BEX3: variants seen among roughly 807,000 people sequenced by gnomAD.
The protein encoded by BEX3 is protein BEX3.
A neutral mutation model predicts 6.1 loss-of-function variants in BEX3; 1 was observed. That is an observed-to-expected ratio of 0.16 (90% CI 0.06 to 0.78). The LOEUF (loss-of-function observed/expected upper bound fraction) is 0.78, where lower values mean the gene tolerates loss of function less well. BEX3 is among the 30% of genes least tolerant of loss of function. BEX3 has a pLI of 0.75. For missense variants in BEX3, 49 were observed against 84.7 expected, an observed-to-expected ratio of 0.58 and a Z score of 1.65; for synonymous variants, 33 against 25.2, an observed-to-expected ratio of 1.31 and a Z score of -0.93.
Position 103,377,591 on chromosome X carries a change from G to C in BEX3, c.70G>C (p.Gly24Arg), listed in dbSNP as rs780720432. The C allele has an allele frequency of 8.3e-7, 1 of 1,211,837 alleles. No homozygotes were observed. Among genetic ancestry groups the C allele is most frequent in the East Asian group, 3.0e-5 (1 of 33,843 alleles). ...AGGAGGTGAAGGCCACCAGCCTGCA[G>C]GAAATCGACGGGGACAGGCTCGCCG... The part of the protein sequence containing the change: ...LGGGEGHQPA[G>R]NRRGQARRLA... Residue 24 changes from glycine (G) to arginine (R), a missense_variant, in exon 3 of 3, where the codon GGA (glycine) becomes CGA (arginine). Physicochemically the swap from Gly to Arg is moderately radical, Grantham distance 125 (BLOSUM62 -2). Coordinates refer to ENST00000361298, the MANE Select transcript of BEX3 (RefSeq NM_206917.3).
Position 103,377,952 on chromosome X carries a change from G to A in BEX3, c.*125G>A. The A allele has an allele frequency of 1.9e-6, 1 of 525,478 alleles. No individual in the cohort carries two copies. The highest frequency in any genetic ancestry group is 3.1e-6 in the Non-Finnish European group (1 of 326,539). The allele number at this position is 525,478 out of a possible 1,213,427, so 43.3% of individuals were successfully genotyped here. A position where few individuals can be genotyped will look rare whatever the true frequency, so the allele number is the denominator to read the frequency against. Reference sequence around the variant, plus strand: ...CTATGTTATTTCCATGTGTCAAGTGGGTCTTGTGTTGCCAGCTTCTATTTG... The same window carrying A: ...CTATGTTATTTCCATGTGTCAAGTGAGTCTTGTGTTGCCAGCTTCTATTTG... On this transcript the variant is annotated 3_prime_UTR_variant, in exon 3 of 3. Coordinates refer to ENST00000361298, the MANE Select transcript of BEX3 (RefSeq NM_206917.3).
chrX:103,377,474 G>GA (rs199898496), intron 2 of BEX3, 36 bp from the exon 3 acceptor site: 595 of 1,090,271 alleles, frequency 5.5e-4, no homozygotes, highest in Admixed American at 1.5e-3. Context: ...AAAACAACCA[G>GA]AAAAAAAAAA....
chrX:103,377,284 A>G (rs1455673371), intron 2 of BEX3, among the ~76,000 whole-genome samples, 178 bp downstream of exon 2: 1 of 109,877 alleles, frequency 9.1e-6, no homozygotes, highest in East Asian at 2.9e-4. Context: ...GAAGGGAGGT[A>G]AGGGGAGAAA....
upstream of BEX3, chrX:103,376,472 G>C (rs188284833): frequency 3.0e-3 from 2,244 of 750,213 alleles, 50 homozygotes; most frequent in African/African-American, 0.049. Context: ...GGGCGAGCTC[G>C]GTGGTGACGC....
Position 103,378,114 on chromosome X carries a change from A to G in BEX3, c.*287A>G, listed in dbSNP as rs1270146788. On this transcript the variant is annotated 3_prime_UTR_variant, in exon 3 of 3. Transcript: ENST00000361298. ...TCTCATTAAAAATGTATACTTACAT[A>G]TAACAGATGAACTAAAAAAAAATCT... 3.8e-6 allele frequency: 1 copy of G among 265,132 alleles called. No individual in the cohort carries two copies. Among genetic ancestry groups the G allele is most frequent in the African/African-American group, 2.8e-5 (1 of 35,627 alleles). 21.8% of individuals were successfully genotyped at this position (265,132 alleles called of 1,213,427 possible). A position where few individuals can be genotyped will look rare whatever the true frequency, so the allele number is the denominator to read the frequency against.
rs962218092 is a variant in BEX3, at chrX:103,377,074, CGGA to C, written c.-40_-38del. 33 of 312,067 alleles carry C rather than the reference CGGA, an allele frequency of 1.1e-4. 1 individual carries two copies. Among genetic ancestry groups the C allele is most frequent in the African/African-American group, 4.4e-4 (15 of 33,908 alleles). 25.7% of individuals were successfully genotyped at this position (312,067 alleles called of 1,213,427 possible). A position where few individuals can be genotyped will look rare whatever the true frequency, so the allele number is the denominator to read the frequency against. ...CGCGGCGCACCTCGCGGCGAGAATC[CGGA>C]GGAGAAGGAGACTGCAAGGATAGGC... On this transcript the variant is annotated 5_prime_UTR_variant, in exon 2 of 3. Coordinates refer to ENST00000361298, the MANE Select transcript of BEX3 (RefSeq NM_206917.3).
rs754553493 is a variant in BEX3, at chrX:103,377,874, CT to C, written c.*52del. On this transcript the variant is annotated 3_prime_UTR_variant, in exon 3 of 3. Transcript: ENST00000361298. ...TTAATACTGTGATTCCCGCTGTTTT[CT>C]TTTTCCTTGCATTTTCCTAATATGC... is the stretch of plus-strand genomic sequence containing the variant. The C allele has an allele frequency of 2.3e-5, 23 of 1,008,661 alleles. No homozygotes were observed. The highest frequency in any genetic ancestry group is 3.1e-5 in the Non-Finnish European group (23 of 733,793). The allele number at this position is 1,008,661 out of a possible 1,213,427, so 83.1% of individuals were successfully genotyped here.
chrX:103,376,433 A>C, upstream of BEX3: 1 of 746,081 alleles, frequency 1.3e-6, no homozygotes, highest in South Asian at 6.9e-5. Context: ...GAAGGGGGAG[A>C]TCCTGCTGCA....
At chrX:103,377,148 A>G in intron 2 of BEX3, 42 bp downstream of exon 2, 1 of 283,565 alleles carries the variant, frequency 3.5e-6, no homozygotes, top group Admixed American at 6.6e-5. Flanking sequence ...TCGGAACGTA[A>G]GGAAAGCCCA....
At position 103,377,066 on chromosome X, in the gene BEX3, C is replaced by T; in HGVS notation, c.-53C>T. Reference sequence around the variant, plus strand: ...AGTGTCTCCGCGGCGCACCTCGCGGCGAGAATCCGGAGGAGAAGGAGACTG... The same window carrying T: ...AGTGTCTCCGCGGCGCACCTCGCGGTGAGAATCCGGAGGAGAAGGAGACTG... On this transcript the variant is annotated 5_prime_UTR_variant, in exon 2 of 3. Coordinates refer to ENST00000361298, the MANE Select transcript of BEX3 (RefSeq NM_206917.3). 1 of 303,473 alleles carries T rather than the reference C, an allele frequency of 3.3e-6. No individual in the cohort carries two copies. Among genetic ancestry groups the T allele is most frequent in the Non-Finnish European group, 4.4e-6 (1 of 225,821 alleles). 25.0% of individuals were successfully genotyped at this position (303,473 alleles called of 1,213,427 possible).
At chrX:103,376,428 G>C (rs949083101), upstream of BEX3, 266 of 745,305 alleles carry the variant, frequency 3.6e-4, no homozygotes, top group South Asian at 4.9e-4. Context: ...GGGGGGAAGG[G>C]GGAGATCCTG....
chrX:103,377,246 C>T (rs1266993007), intron 2 of BEX3, 140 bp downstream of exon 2: 4 of 393,429 alleles, frequency 1.0e-5, no homozygotes, highest in Non-Finnish European at 1.7e-5. Context: ...GAAAGAATCC[C>T]GGGAAACGAA....
rs996337311 is a variant in BEX3 at position 103,376,542 on chromosome X, G to A, written c.-163G>A. The A allele has an allele frequency of 1.3e-6, 1 of 751,512 alleles. No individual in the cohort carries two copies. Among genetic ancestry groups the A allele is most frequent in the South Asian group, 6.9e-5 (1 of 14,541 alleles). The allele number at this position is 751,512 out of a possible 1,213,427, so 61.9% of individuals were successfully genotyped here. A position where few individuals can be genotyped will look rare whatever the true frequency, so the allele number is the denominator to read the frequency against. ...GCAGCCTTCGGTGCAGTCGTCACTC[G>A]CGTCTGGCTACCAGCTCCCCGCTGC... On this transcript the variant is annotated 5_prime_UTR_variant, in exon 1 of 3. Coordinates refer to ENST00000361298, the MANE Select transcript of BEX3 (RefSeq NM_206917.3).
intron 1 of BEX3, 33 bp from the exon 2 acceptor site, chrX:103,376,994 AC>A (rs778875740): frequency 0.036 from 2,314 of 63,402 alleles, 33 homozygotes; most frequent in South Asian, 0.061. Flanking sequence ...AGCAGCCCCC[AC>A]CCCCCACAAC....
At chrX:103,377,364 A>T in intron 2 of BEX3, 146 bp from the exon 3 acceptor site, 1 of 820,007 alleles carries the variant, frequency 1.2e-6, no homozygotes, top group Non-Finnish European at 1.7e-6. Context: ...GGAAAAAACG[A>T]AATTAAAAAA....
intron 2 of BEX3, 171 bp from the exon 3 acceptor site, chrX:103,377,339 G>C: frequency 1.6e-6 from 1 of 612,776 alleles, no homozygotes; most frequent in Non-Finnish European, 2.5e-6. Flanking sequence ...GAGGACGCGC[G>C]GAACTTCTAA....
At position 103,378,090 on chromosome X, in the gene BEX3, CT is replaced by C. The variant is rs1927293623; in HGVS notation, c.*264del. 3.2e-6 allele frequency: 1 copy of C among 312,474 alleles called. No individual in the cohort carries two copies. Among genetic ancestry groups the C allele is most frequent in the African/African-American group, 2.7e-5 (1 of 36,860 alleles). 25.8% of individuals were successfully genotyped at this position (312,474 alleles called of 1,213,427 possible). ...AAAAAGCAATCTATACATTTATTGT[CT>C]CATTAAAAATGTATACTTACATATA... On this transcript the variant is annotated 3_prime_UTR_variant, in exon 3 of 3. Transcript: ENST00000361298.
rs1927288192 is a variant in BEX3, at chrX:103,377,917, GC to G, written c.*91del. 1.4e-6 allele frequency: 1 copy of G among 699,776 alleles called. No homozygotes were observed. Among genetic ancestry groups the G allele is most frequent in the African/African-American group, 2.2e-5 (1 of 45,995 alleles). The allele number at this position is 699,776 out of a possible 1,213,427, so 57.7% of individuals were successfully genotyped here. Reference sequence around the variant, plus strand: ...CTAATATGCCTTTACTGATCCGTTTGCTGTGAACCCTATGTTATTTCCATGT... The same window carrying G: ...CTAATATGCCTTTACTGATCCGTTTGTGTGAACCCTATGTTATTTCCATGT... On this transcript the variant is annotated 3_prime_UTR_variant, in exon 3 of 3. Transcript: ENST00000361298.
upstream of BEX3, chrX:103,376,535 G>A (rs1275828652): frequency 1.3e-6 from 1 of 753,583 alleles, no homozygotes; most frequent in Non-Finnish European, 1.6e-6. Context: ...CGGTGCAGTC[G>A]TCACTCGCGT....
Sources: allele counts gnomAD v4.1 joint callset (sites outside exome capture counted in the v4.1 genomes callset), GRCh38; gene constraint gnomAD v4.1.1; transcripts MANE v1.5; gene names NCBI Gene and HGNC (gene_info 2026-07-23, HGNC 2026-07-21).